The following NCK1 variants were observed in gnomAD, a reference collection of about 807,000 sequenced individuals.
NCK1 encodes the protein NCK adaptor protein 1, also known as SH2/SH3 adapter protein NCK1.
A neutral mutation model predicts 36.6 loss-of-function variants in NCK1; 19 were observed. That is an observed-to-expected ratio of 0.52 (90% CI 0.36 to 0.76). NCK1 has a LOEUF of 0.76. Ranked by LOEUF, NCK1 falls within the 30% of genes least tolerant of loss-of-function variation. The probability of loss-of-function intolerance (pLI) is 0.00; values close to 1 mark genes in which losing one functional copy is unlikely to be tolerated. For synonymous variants in NCK1, 165 were observed against 156.0 expected, an observed-to-expected ratio of 1.06 and a Z score of -0.43; for missense variants, 358 against 445.6, an observed-to-expected ratio of 0.80 and a Z score of 1.77.
chr3:136,943,287 A>C (rs1050091982), intron 2 of NCK1, among the ~76,000 whole-genome samples: 11 of 152,198 alleles, frequency 7.2e-5, no homozygotes, highest in African/African-American at 2.7e-4. Context: ...CCCCAAATGT[A>C]GGGATTTCTC....
intron 1 of NCK1, among the ~76,000 whole-genome samples, chr3:136,902,184 GTT>G (rs59203615): frequency 2.8e-4 from 19 of 68,128 alleles, no homozygotes; most frequent in Non-Finnish European, 3.1e-4. Context: ...TTAACTCTTT[GTT>G]TTTTTTTTTT....
chr3:136,936,038 CT>C (rs35254283), intron 2 of NCK1, among the ~76,000 whole-genome samples: 76,657 of 128,004 alleles, frequency 0.6, 22,427 homozygotes, highest in East Asian at 0.73. Flanking sequence ...GTCTAAATAA[CT>C]TTTTTTTTTT....
chr3:136,879,568 CT>C (rs1454225930), intron 1 of NCK1, among the ~76,000 whole-genome samples: 1 of 152,062 alleles, frequency 6.6e-6, no homozygotes, highest in African/African-American at 2.4e-5. Context: ...AGAATGTGAC[CT>C]TATGTGCACT....
chr3:136,934,577 C>T (rs963702091), intron 2 of NCK1, among the ~76,000 whole-genome samples: 6 of 152,014 alleles, frequency 3.9e-5, no homozygotes, highest in East Asian at 1.9e-4. Flanking sequence ...TGCACCACCG[C>T]GCCTGTCCTG....
At position 136,927,034 on chromosome 3, in the gene NCK1, C is replaced by T. The variant is rs192947044; in HGVS notation, c.-18-950C>T. ...CACCCAGGCCTGGAGTGCAGTGGCACGATCTTGGCTAACTGCAACCTCCGC... is the reference window on the plus strand; with the variant it reads ...CACCCAGGCCTGGAGTGCAGTGGCATGATCTTGGCTAACTGCAACCTCCGC... On this transcript the variant is annotated intron_variant, in intron 1 of 3. Transcript: ENST00000481752. 8.1e-3 allele frequency among the ~76,000 whole-genome samples: 1,240 copies of T among 152,270 alleles called. 7 individuals carry two copies. Among genetic ancestry groups the T allele is most frequent in the South Asian group, 0.014 (66 of 4,822 alleles).
At chr3:136,933,240 G>T (rs1940440439) in intron 2 of NCK1, among the ~76,000 whole-genome samples, 1 of 152,108 alleles carries the variant, frequency 6.6e-6, no homozygotes, top group East Asian at 1.9e-4. Context: ...GTGTGTGTTG[G>T]CCAAATAAAA....
intron 1 of NCK1, among the ~76,000 whole-genome samples, chr3:136,924,526 A>G (rs750455635): frequency 1.3e-5 from 2 of 152,266 alleles, no homozygotes; most frequent in African/African-American, 4.8e-5. Context: ...GTTTAAAAAA[A>G]TACACTTAGC....
chr3:136,879,645 T>C (rs891645403), intron 1 of NCK1, among the ~76,000 whole-genome samples: 1 of 152,032 alleles, frequency 6.6e-6, no homozygotes, highest in Non-Finnish European at 1.5e-5. Context: ...ATAAAGAAAA[T>C]GTGGCACATG....
chr3:136,868,946 A>G (rs1374452798), intron 1 of NCK1, among the ~76,000 whole-genome samples: 6 of 152,108 alleles, frequency 3.9e-5, no homozygotes, highest in African/African-American at 9.7e-5. Context: ...AAGACAAAAT[A>G]TCTTGTTGAG....
chr3:136,926,069 T>C (rs1481780542), intron 1 of NCK1, among the ~76,000 whole-genome samples: 2 of 152,156 alleles, frequency 1.3e-5, no homozygotes, highest in Non-Finnish European at 2.9e-5. Context: ...TGCATTTCTT[T>C]AATAGCTAAT....
Position 136,899,733 on chromosome 3 carries a change from C to G in NCK1, c.-18-28251C>G, listed in dbSNP as rs112489940. The G allele has an allele frequency of 5.3e-6, 5 of 938,218 alleles. No homozygotes were observed. The African/African-American group carries it at 6.5e-5, about 12-fold the overall frequency. The allele number at this position is 938,218 out of a possible 1,614,324, so 58.1% of individuals were successfully genotyped here. On this transcript the variant is annotated intron_variant, in intron 1 of 3. Coordinates refer to ENST00000481752, the MANE Select transcript of NCK1 (RefSeq NM_001291999.2). ...AGGAGACTTACTCACTGTTTCTGTT[C>G]TACTATTGCCATGTTTTTCAACTCT... is the stretch of plus-strand genomic sequence containing the variant.
chr3:136,913,679 G>GT (rs1246867071), intron 1 of NCK1, among the ~76,000 whole-genome samples: 10 of 151,336 alleles, frequency 6.6e-5, no homozygotes, highest in East Asian at 3.9e-4. Context: ...GTTTTGTTTT[G>GT]TTTTTTTGAG....
chr3:136,901,792 G>C (rs1226946358), intron 1 of NCK1, among the ~76,000 whole-genome samples: 3 of 152,030 alleles, frequency 2.0e-5, no homozygotes, highest in Non-Finnish European at 4.4e-5. Context: ...CTAGCAAGTG[G>C]TTTATTGATT....
intron 1 of NCK1, among the ~76,000 whole-genome samples, chr3:136,924,074 G>A (rs1037321129): frequency 3.3e-5 from 5 of 152,162 alleles, no homozygotes. Context: ...TCAGTGGCAG[G>A]TAAAACCATT....
chr3:136,867,048 TTTTCTTTCTTTCTTTCTTTC>T (rs1157451657), intron 1 of NCK1, among the ~76,000 whole-genome samples: 3 of 33,660 alleles, frequency 8.9e-5, no homozygotes, highest in African/African-American at 2.8e-4. Context: ...TGTTGCTTGC[TTTTCTTTCTTTCTTTCTTTC>T]TTTCTTTCTT....
At chr3:136,902,769 A>T (rs1175006506) in intron 1 of NCK1, among the ~76,000 whole-genome samples, 1 of 152,150 alleles carries the variant, frequency 6.6e-6, no homozygotes, top group East Asian at 1.9e-4. Context: ...AGGAAGTCAA[A>T]CTGTCCCCCT....
intron 1 of NCK1, among the ~76,000 whole-genome samples, chr3:136,870,717 G>A (rs1006457937): frequency 1.6e-4 from 23 of 147,430 alleles, no homozygotes; most frequent in Admixed American, 1.2e-3. Flanking sequence ...AGGCCTGTGA[G>A]GTCTTGCATG....
intron 1 of NCK1, among the ~76,000 whole-genome samples, chr3:136,864,964 T>A (rs1332218035): frequency 1.3e-5 from 2 of 149,804 alleles, no homozygotes; most frequent in African/African-American, 2.4e-5. Flanking sequence ...TTCTTTTGTT[T>A]GTTTTTTTTT....
At chr3:136,903,488 G>A (rs746727642) in intron 1 of NCK1, among the ~76,000 whole-genome samples, 3 of 152,100 alleles carry the variant, frequency 2.0e-5, no homozygotes, top group East Asian at 1.9e-4. Context: ...ACAATGGTGC[G>A]GTCTTGGCTT....
Sources: allele counts gnomAD v4.1 joint callset (sites outside exome capture counted in the v4.1 genomes callset), GRCh38; gene constraint gnomAD v4.1.1; transcripts MANE v1.5; gene names NCBI Gene and HGNC (gene_info 2026-07-23, HGNC 2026-07-21).